The following VWA5A variants were observed in gnomAD, a reference collection of about 807,000 sequenced individuals.
VWA5A encodes the protein von Willebrand factor A domain containing 5A, also known as von Willebrand factor A domain-containing protein 5A.
A neutral mutation model predicts 84.6 loss-of-function variants in VWA5A; 77 were observed. That is an observed-to-expected ratio of 0.91 (90% CI 0.76 to 1.10). VWA5A has a LOEUF of 1.10. Ranked by LOEUF, VWA5A falls within the 50% of genes least tolerant of loss-of-function variation. The probability of loss-of-function intolerance (pLI) is 0.00; values close to 1 mark genes in which losing one functional copy is unlikely to be tolerated. For synonymous variants in VWA5A, 334 were observed against 350.1 expected (o/e 0.95, Z 0.51); for missense variants, 973 against 963.0 (o/e 1.01, Z -0.14).
Position 124,123,415 on chromosome 11 carries a change from A to G in VWA5A, c.980A>G (p.Asn327Ser). ...AGTTTACCTATAGGCTGTTATTTCA[A>G]CATCTATGGATTTGGCTCTTCCTAT... Reference protein sequence around the residue: ...LKSLPIGCYFNIYGFGSSYEA... With the variant: ...LKSLPIGCYFSIYGFGSSYEA... Residue 327 changes from asparagine to serine, a missense_variant, in exon 9 of 19, where the codon AAC (asparagine) becomes AGC (serine). Asn to Ser is a conservative substitution (Grantham distance 46). Coordinates refer to ENST00000456829, the MANE Select transcript of VWA5A (RefSeq NM_001130142.2). 1.9e-6 allele frequency: 3 copies of G among 1,614,102 alleles called. No individual in the cohort carries two copies. The highest frequency in any genetic ancestry group is 2.2e-5 in the East Asian group (1 of 44,876).
At chr11:124,127,057 A>C (rs1865028434) in intron 11 of VWA5A, among the ~76,000 whole-genome samples, 1 of 152,210 alleles carries the variant, frequency 6.6e-6, no homozygotes, top group African/African-American at 2.4e-5. Context: ...TCTGGGATGC[A>C]TGTGCAGAAC....
At chr11:124,133,540 T>C (rs1411369135) in intron 11 of VWA5A, among the ~76,000 whole-genome samples, 1 of 152,198 alleles carries the variant, frequency 6.6e-6, no homozygotes, top group Non-Finnish European at 1.5e-5. Context: ...TATACAGCTT[T>C]CCTAGTTCTT....
intron 11 of VWA5A, among the ~76,000 whole-genome samples, chr11:124,132,207 T>C (rs990408043): frequency 1.3e-5 from 2 of 152,128 alleles, no homozygotes; most frequent in Non-Finnish European, 2.9e-5. Flanking sequence ...GTAGTTGTGA[T>C]GTATTAATCT....
intron 7 of VWA5A, 66 bp downstream of exon 7, chr11:124,119,155 A>T (rs1864892287): frequency 1.4e-6 from 2 of 1,397,734 alleles, no homozygotes; most frequent in Admixed American, 3.8e-5. Context: ...ATTACTGTCG[A>T]ATTACTCTCT....
intron 15 of VWA5A, among the ~76,000 whole-genome samples, chr11:124,137,920 A>G (rs540414872): frequency 1.3e-5 from 2 of 152,292 alleles, no homozygotes; most frequent in Admixed American, 6.5e-5. Flanking sequence ...GTGCAGTGGC[A>G]CAATCATGGC....
In VWA5A at chr11:124,137,071, T is replaced by G. The variant is rs1229237549; in HGVS notation, c.1682T>G (p.Leu561Arg). Residue 561 changes from leucine to arginine, a missense_variant, in exon 15 of 19, where the codon CTC becomes CGC. Coordinates refer to ENST00000456829, the MANE Select transcript of VWA5A (RefSeq NM_001130142.2). ...TTGCTCCAGACCAAGGACATGGGCC[T>G]CAGGGAGACTCCAGCAAGTGATAAA... ...KSLLQTKDMG[L>R]RETPASDKKD... is the part of the protein sequence containing the mutation. 6.2e-7 allele frequency: 1 copy of G among 1,613,542 alleles called. No individual in the cohort carries two copies. Among genetic ancestry groups the G allele is most frequent in the Admixed American group, 1.7e-5 (1 of 59,940 alleles).
chr11:124,145,659 C>G (rs2282505), intron 18 of VWA5A, among the ~76,000 whole-genome samples: 19,232 of 152,022 alleles, frequency 0.13, 1,254 homozygotes, highest in African/African-American at 0.17. Context: ...AGACTTGGTG[C>G]GTGTTCTCCT....
At chr11:124,125,323 C>A (rs1865003423) in intron 11 of VWA5A, among the ~76,000 whole-genome samples, 3 of 151,416 alleles carry the variant, frequency 2.0e-5, no homozygotes, top group Admixed American at 2.0e-4. Flanking sequence ...CGCTCTTTCG[C>A]CCAGGCCGGA....
intron 16 of VWA5A, among the ~76,000 whole-genome samples, chr11:124,142,062 G>A (rs1047045535): frequency 3.3e-5 from 5 of 152,086 alleles, no homozygotes; most frequent in East Asian, 1.9e-4. Context: ...GATTTGTTCC[G>A]CCCCTATGTT....
chr11:124,133,064 A>G (rs1180693432), intron 11 of VWA5A, among the ~76,000 whole-genome samples: 1 of 152,242 alleles, frequency 6.6e-6, no homozygotes, highest in African/African-American at 2.4e-5. Flanking sequence ...TTAGTTGTCA[A>G]AGAAAAAATT....
rs115204772 is a variant in VWA5A, at chr11:124,124,566, A to T, written c.1244+250A>T. On this transcript the variant is annotated intron_variant, in intron 11 of 18. Transcript: ENST00000456829. ...ACGAACACAAGAATTGAATAGTAAG[A>T]TGTTAATTTTTTTTACTATAAACAT... The T allele has an allele frequency of 6.0e-4, 727 of 1,217,792 alleles. 2 individuals are homozygous for T. The African/African-American group carries it at 9.6e-3, about 16-fold the overall frequency. 75.4% of individuals were successfully genotyped at this position (1,217,792 alleles called of 1,614,324 possible).
In VWA5A at chr11:124,145,969, G is replaced by A; in HGVS notation, c.*24G>A. ...GAAGATACCATCCAGAAAAAGAAGT[G>A]CCTTTAATTTGCTACTGTCATTTCC... On this transcript the variant is annotated 3_prime_UTR_variant, in exon 19 of 19. Transcript: ENST00000456829. The A allele has an allele frequency of 6.4e-7, 1 of 1,568,128 alleles. No homozygotes were observed. Among genetic ancestry groups the A allele is most frequent in the Non-Finnish European group, 8.7e-7 (1 of 1,152,872 alleles).
In VWA5A at chr11:124,118,263, G is replaced by T; in HGVS notation, c.321G>T (p.Arg107Ser). The change falls in exon 5 of 19, where the codon AGG becomes AGT. Residue 107 changes from arginine (R) to serine (S), a missense_variant. Physicochemically the swap from Arg to Ser is moderately radical, Grantham distance 110. Coordinates refer to ENST00000456829, the MANE Select transcript of VWA5A (RefSeq NM_001130142.2). Reference sequence around the variant, plus strand: ...TATTGGAGGGGGACAGCAGCTCCAGGGATGTCTTCTCTTGCAATGTGGGTA... The same window carrying T: ...TATTGGAGGGGGACAGCAGCTCCAGTGATGTCTTCTCTTGCAATGTGGGTA... ...AFLLEGDSSS[R>S]DVFSCNVGNL... 6.2e-7 allele frequency: 1 copy of T among 1,614,158 alleles called. No individual in the cohort carries two copies. Among genetic ancestry groups the T allele is most frequent in the Non-Finnish European group, 8.5e-7 (1 of 1,180,034 alleles).
At position 124,118,375 on chromosome 11, in the gene VWA5A, C is replaced by A. The variant is rs573043885; in HGVS notation, c.433C>A (p.Leu145Ile). ...AGCAGATGGGGCTCTGCGCTTTGTGCTCCCAGCTGTCCTGAATCCTAGATA... is the reference window on the plus strand; with the variant it reads ...AGCAGATGGGGCTCTGCGCTTTGTGATCCCAGCTGTCCTGAATCCTAGATA... ...LEADGALRFVLPAVLNPRYQF... is the reference protein window; with the variant it reads ...LEADGALRFVIPAVLNPRYQF... Residue 145 changes from leucine to isoleucine, a missense_variant, in exon 5 of 19, where the codon CTC becomes ATC. Coordinates refer to ENST00000456829, the MANE Select transcript of VWA5A (RefSeq NM_001130142.2). 3.7e-6 allele frequency: 6 copies of A among 1,614,238 alleles called. No individual in the cohort carries two copies. The highest frequency in any genetic ancestry group is 5.1e-6 in the Non-Finnish European group (6 of 1,180,048).
chr11:124,124,708 G>A (rs1047233598), intron 11 of VWA5A: 40 of 309,962 alleles, frequency 1.3e-4, no homozygotes, highest in Non-Finnish European at 4.8e-6. Flanking sequence ...AATGGTCGTA[G>A]GCCTCTCCAT....
intron 7 of VWA5A, among the ~76,000 whole-genome samples, chr11:124,119,688 G>T (rs927563304): frequency 4.6e-5 from 7 of 152,136 alleles, no homozygotes; most frequent in African/African-American, 1.4e-4. Context: ...GGCTAAATTT[G>T]CTATGCTAGG....
chr11:124,135,422 G>T (rs900722185), intron 12 of VWA5A, among the ~76,000 whole-genome samples: 3 of 151,202 alleles, frequency 2.0e-5, no homozygotes, highest in Non-Finnish European at 4.4e-5. Context: ...AAGAAAAGGA[G>T]AAGGAATAAT....
chr11:124,136,615 C>T lies in VWA5A; in HGVS notation c.1566C>T (p.Leu522=). The T allele has an allele frequency of 6.2e-7, 1 of 1,614,144 alleles. No homozygotes were observed. The highest frequency in any genetic ancestry group is 8.5e-7 in the Non-Finnish European group (1 of 1,180,008). The change falls in exon 14 of 19, where the codon CTC becomes CTT. Residue 522 remains leucine (L), a synonymous_variant. Coordinates refer to ENST00000456829, the MANE Select transcript of VWA5A (RefSeq NM_001130142.2). ...TTGEVCLKYT[L]QGKTFEDKVT... ...GAGAAGTATGCCTCAAATATACACTCCAGGGCAAGACTTTTGAGGATAAGG... is the reference window on the plus strand; with the variant it reads ...GAGAAGTATGCCTCAAATATACACTTCAGGGCAAGACTTTTGAGGATAAGG...
chr11:124,141,548 C>T, intron 15 of VWA5A, 50 bp from the exon 16 acceptor site: 1 of 1,603,764 alleles, frequency 6.2e-7, no homozygotes, highest in South Asian at 1.1e-5. Context: ...GTCCTTTGCC[C>T]ACTGCAGAGA....
Sources: allele counts gnomAD v4.1 joint callset (sites outside exome capture counted in the v4.1 genomes callset), GRCh38; gene constraint gnomAD v4.1.1; transcripts MANE v1.5; gene names NCBI Gene and HGNC (gene_info 2026-07-23, HGNC 2026-07-21).